SOX13: variants seen among roughly 807,000 people sequenced by gnomAD.
SOX13 encodes the protein transcription factor SOX-13.
Under a neutral mutation model 71.8 loss-of-function variants are expected in SOX13, and 28 were observed. The observed-to-expected ratio is 0.39, with a 90% confidence interval of 0.29 to 0.53. SOX13 has a LOEUF of 0.53. Among genes scored for constraint, SOX13 ranks in the 20% least tolerant of loss-of-function variants. The pLI, the probability that SOX13 is intolerant of heterozygous loss-of-function variation, is 0.70. For synonymous variants in SOX13, 309 were observed against 317.8 expected (o/e 0.97, Z 0.29); for missense variants, 627 against 810.3 (o/e 0.77, Z 2.75).
intron 1 of SOX13, among the ~76,000 whole-genome samples, chr1:204,106,891 T>A (rs1014156507): frequency 2.6e-5 from 4 of 152,240 alleles, no homozygotes; most frequent in African/African-American, 9.6e-5. Flanking sequence ...CATGAGAATG[T>A]AAAATAGGCA....
chr1:204,082,854 G>A (rs1655937730), intron 1 of SOX13, among the ~76,000 whole-genome samples: 3 of 152,346 alleles, frequency 2.0e-5, no homozygotes, highest in South Asian at 4.1e-4. Context: ...GGACTTGACT[G>A]CTCTCGGCCA....
At chr1:204,113,744 A>C (rs1656633447) in intron 2 of SOX13, among the ~76,000 whole-genome samples, 1 of 152,168 alleles carries the variant, frequency 6.6e-6, no homozygotes, top group South Asian at 2.1e-4. Context: ...GGCACTGGTG[A>C]TCAAGGAAGG....
chr1:204,079,166 C>T (rs1013236818), intron 1 of SOX13, among the ~76,000 whole-genome samples: 6 of 151,856 alleles, frequency 4.0e-5, no homozygotes, highest in Non-Finnish European at 7.4e-5. Flanking sequence ...GGCGTGGAGG[C>T]GTGTGCCTGT....
At chr1:204,093,465 C>G (rs1656186494) in intron 1 of SOX13, among the ~76,000 whole-genome samples, 2 of 152,220 alleles carry the variant, frequency 1.3e-5, no homozygotes, top group Admixed American at 1.3e-4. Context: ...CCTTTGGACC[C>G]TGGGTGCTCA....
intron 1 of SOX13, among the ~76,000 whole-genome samples, chr1:204,088,881 T>C (rs975540541): frequency 6.6e-6 from 1 of 152,146 alleles, no homozygotes; most frequent in Non-Finnish European, 1.5e-5. Flanking sequence ...ATACATACTG[T>C]GCAGGCTCCT....
Position 204,123,865 on chromosome 1 carries a change from C to T in SOX13, c.1375+61C>T. 6.4e-7 allele frequency: 1 copy of T among 1,573,122 alleles called. No homozygotes were observed. Among genetic ancestry groups the T allele is most frequent in the African/African-American group, 1.3e-5 (1 of 74,324 alleles). On this transcript the variant is annotated intron_variant, in intron 12 of 13. Transcript: ENST00000367204. The surrounding 1 kb of genome is among the most constrained non-coding windows in gnomAD (Gnocchi z 5.0). Reference sequence around the variant, plus strand: ...ACCTGGTTGCAGGAGCCAGCTGGGTCTATTCAGGGCTTGCTTGGTGATATT... The same window carrying T: ...ACCTGGTTGCAGGAGCCAGCTGGGTTTATTCAGGGCTTGCTTGGTGATATT...
At chr1:204,104,287 C>T (rs1016157452) in intron 1 of SOX13, among the ~76,000 whole-genome samples, 3 of 152,302 alleles carry the variant, frequency 2.0e-5, no homozygotes, top group African/African-American at 4.8e-5. Context: ...TAGACCAGAC[C>T]GGCCGTGCCC....
Position 204,123,814 on chromosome 1 carries a change from A to G in SOX13, c.1375+10A>G, listed in dbSNP as rs755047222. On this transcript the variant is annotated intron_variant, in intron 12 of 13. Transcript: ENST00000367204. The surrounding 1 kb of genome is among the most constrained non-coding windows in gnomAD (Gnocchi z 5.0). ...ATCAGCAAGATCCTTGGTAAGGGCC[A>G]GTGGCTGGGGCCATGGTTCAGTGTG... 1.9e-6 allele frequency: 3 copies of G among 1,614,034 alleles called. No homozygotes were observed. In the South Asian group the frequency reaches 3.3e-5, roughly 18 times the overall value.
At chr1:204,125,737 A>G (rs2102269482) in intron 13 of SOX13, 121 bp from the exon 14 acceptor site, 5 of 1,135,436 alleles carry the variant, frequency 4.4e-6, no homozygotes, top group South Asian at 3.1e-5. Context: ...GGCAGGGTAT[A>G]TAAGTCACAG....
At chr1:204,099,002 C>T (rs1392093031) in intron 1 of SOX13, among the ~76,000 whole-genome samples, 1 of 152,196 alleles carries the variant, frequency 6.6e-6, no homozygotes, top group Admixed American at 6.5e-5. Flanking sequence ...TTGCATCATC[C>T]GTACCAGGGC....
At chr1:204,111,397 G>C (rs187037805) in intron 1 of SOX13, among the ~76,000 whole-genome samples, 16 of 152,296 alleles carry the variant, frequency 1.1e-4, no homozygotes, top group South Asian at 2.1e-4. Flanking sequence ...GTTCCCACTA[G>C]AACCCAGAGC....
chr1:204,102,118 G>A (rs760165763), intron 1 of SOX13, among the ~76,000 whole-genome samples: 3 of 152,152 alleles, frequency 2.0e-5, no homozygotes, highest in African/African-American at 7.2e-5. Flanking sequence ...GTACTATGAG[G>A]GCTTAGTCTA....
rs535654293 is a variant in SOX13 at position 204,125,610 on chromosome 1, A to G, written c.1593-248A>G. On this transcript the variant is annotated intron_variant, in intron 13 of 13. Coordinates refer to ENST00000367204, the MANE Select transcript of SOX13 (RefSeq NM_005686.3). ...AAAATATACAAGTTCTAAAAACTGG[A>G]TTCACACATGATCCTCCAAGAATAT... Among the ~76,000 whole-genome samples the G allele has an allele frequency of 8.0e-3, 1,223 of 152,328 alleles. 15 individuals carry two copies. The highest frequency in any genetic ancestry group is 0.028 in the African/African-American group (1,172 of 41,550).
At position 204,127,545 on chromosome 1, in the gene SOX13, T is replaced by A. The variant is rs961366138; in HGVS notation, c.*1411T>A. 6.5e-6 allele frequency: 1 copy of A among 152,710 alleles called. No homozygotes were observed. The highest frequency in any genetic ancestry group is 1.5e-5 in the Non-Finnish European group (1 of 68,076). The allele number at this position is 152,710 out of a possible 1,614,324, so 9.5% of individuals were successfully genotyped here. ...CAGGGCCAGATGTGGAGTCTGTGTC[T>A]GCCCCCGTCTTCTCTCCATCCTCAA... is the stretch of plus-strand genomic sequence containing the variant. On this transcript the variant is annotated 3_prime_UTR_variant, in exon 14 of 14. Transcript: ENST00000367204.
At chr1:204,101,305 T>A (rs573825454) in intron 1 of SOX13, among the ~76,000 whole-genome samples, 1 of 152,206 alleles carries the variant, frequency 6.6e-6, no homozygotes, top group South Asian at 2.1e-4. Context: ...TGTGTGGAAG[T>A]GCCCACTTTG....
chr1:204,116,111 G>T, intron 4 of SOX13: 2 of 1,157,008 alleles, frequency 1.7e-6, no homozygotes, highest in Non-Finnish European at 2.2e-6. Flanking sequence ...ATGGGAATTT[G>T]ACCCCAGACC....
At position 204,121,994 on chromosome 1, in the gene SOX13, C is replaced by T. The variant is rs1353638793; in HGVS notation, c.861+9C>T. 4.4e-6 allele frequency: 7 copies of T among 1,584,976 alleles called. No individual in the cohort carries two copies. Among genetic ancestry groups the T allele is most frequent in the Admixed American group, 3.4e-5 (2 of 59,620 alleles). ...CCCACCACCCCCTGCAGGTACCGCC[C>T]TCTACCCACTGGCCTGGGGCTCCCT... On this transcript the variant is annotated intron_variant, in intron 8 of 13. Coordinates refer to ENST00000367204, the MANE Select transcript of SOX13 (RefSeq NM_005686.3).
intron 1 of SOX13, among the ~76,000 whole-genome samples, chr1:204,108,712 C>G (rs541411426): frequency 6.6e-6 from 1 of 152,304 alleles, no homozygotes; most frequent in East Asian, 1.9e-4. Context: ...GGCGCTGAGC[C>G]GACGGATCAG....
At chr1:204,115,580 GA>G (rs1460249721) in intron 4 of SOX13, among the ~76,000 whole-genome samples, 30 of 149,810 alleles carry the variant, frequency 2.0e-4, no homozygotes, top group African/African-American at 6.9e-4. Flanking sequence ...AGGTCAGGGG[GA>G]CACTAACATT....
Sources: allele counts gnomAD v4.1 joint callset (sites outside exome capture counted in the v4.1 genomes callset), GRCh38; gene constraint gnomAD v4.1.1; non-coding constraint Gnocchi (gnomAD v3.1); transcripts MANE v1.5; gene names NCBI Gene and HGNC (gene_info 2026-07-23, HGNC 2026-07-21).